Variants in MGAT4C observed in about 807,000 individuals in gnomAD.
The protein encoded by MGAT4C is MGAT4 family member C, also known as alpha-1,3-mannosyl-glycoprotein 4-beta-N-acetylglucosaminyltransferase C.
Under a neutral mutation model 40.1 loss-of-function variants are expected in MGAT4C, and 19 were observed. The observed-to-expected ratio is 0.47, with a 90% CI of 0.33 to 0.70. MGAT4C has a LOEUF of 0.70. Among genes scored for constraint, MGAT4C ranks in the 30% least tolerant of loss-of-function variants. The pLI, the probability that MGAT4C is intolerant of heterozygous loss-of-function variation, is 0.02. For synonymous variants in MGAT4C, 181 were observed against 187.1 expected (o/e 0.97, Z 0.27); for missense variants, 491 against 563.2 (o/e 0.87, Z 1.30).
At chr12:86,783,551 G>A (rs1951881928) in intron 1 of MGAT4C, among the ~76,000 whole-genome samples, 1 of 151,984 alleles carries the variant, frequency 6.6e-6, no homozygotes, top group Non-Finnish European at 1.5e-5. Flanking sequence ...TAGATTATAA[G>A]ATCCATATTT....
At chr12:86,657,098 T>G (rs1963869122) in intron 2 of MGAT4C, among the ~76,000 whole-genome samples, 1 of 152,014 alleles carries the variant, frequency 6.6e-6, no homozygotes, top group Non-Finnish European at 1.5e-5. Flanking sequence ...AAAGTTAGAA[T>G]TCACTTGCCA....
intron 2 of MGAT4C, among the ~76,000 whole-genome samples, chr12:86,524,658 T>C (rs1255071222): frequency 6.6e-6 from 1 of 152,202 alleles, no homozygotes; most frequent in Non-Finnish European, 1.5e-5. Context: ...TCCTGAAGTA[T>C]GCTATCCAAA....
chr12:86,479,997 C>T (rs1251518285), intron 2 of MGAT4C, among the ~76,000 whole-genome samples: 2 of 151,810 alleles, frequency 1.3e-5, no homozygotes, highest in Non-Finnish European at 2.9e-5. Context: ...GTCAATTTTA[C>T]ATGAATACAT....
chr12:86,219,800 T>C (rs1453653329), intron 1 of MGAT4C, among the ~76,000 whole-genome samples: 1 of 152,216 alleles, frequency 6.6e-6, no homozygotes, highest in Non-Finnish European at 1.5e-5. Context: ...TGACCACTTA[T>C]GAAATAGTTA....
intron 1 of MGAT4C, among the ~76,000 whole-genome samples, chr12:86,735,858 C>G (rs1290605967): frequency 6.6e-6 from 1 of 151,900 alleles, no homozygotes; most frequent in African/African-American, 2.4e-5. Context: ...GAATGTCTGT[C>G]ACACTGACTT....
chr12:86,334,510 A>T (rs748805242), intron 3 of MGAT4C, among the ~76,000 whole-genome samples: 18 of 152,132 alleles, frequency 1.2e-4, no homozygotes, highest in Admixed American at 3.9e-4. Flanking sequence ...ATTTAGCTAA[A>T]TTATCTGTTG....
intron 2 of MGAT4C, among the ~76,000 whole-genome samples, chr12:86,612,499 C>T (rs1395314670): frequency 6.6e-6 from 1 of 151,882 alleles, no homozygotes; most frequent in Non-Finnish European, 1.5e-5. Flanking sequence ...CCTGTAATCC[C>T]AGCACTTTGG....
chr12:86,565,830 C>T (rs965885167), intron 2 of MGAT4C, among the ~76,000 whole-genome samples: 2 of 152,272 alleles, frequency 1.3e-5, no homozygotes, highest in Middle Eastern at 3.4e-3. Flanking sequence ...AGCCTCTTTC[C>T]CAGCCACCCT....
chr12:86,109,366 G>T (rs1876805816), intron 1 of MGAT4C, among the ~76,000 whole-genome samples: 1 of 152,066 alleles, frequency 6.6e-6, no homozygotes, highest in Non-Finnish European at 1.5e-5. Flanking sequence ...ATACAAAGAA[G>T]TCATATTCTT....
Position 85,962,718 on chromosome 12 carries a change from GA to G in MGAT4C, c.*16570del, listed in dbSNP as rs1267508397. 3 of 150,196 alleles carry G rather than the reference GA, an allele frequency of 2.0e-5. No homozygotes were observed. The highest frequency in any genetic ancestry group is 4.5e-5 in the Non-Finnish European group (3 of 67,250). The allele number at this position is 150,196 out of a possible 1,614,324, so 9.3% of individuals were successfully genotyped here. ...GTGCTATCAACTACATTTTACATAG[GA>G]TGAAAAAAATCATTATTTTTATTAA... On this transcript the variant is annotated 3_prime_UTR_variant, in exon 5 of 5. Transcript: ENST00000611864.
intron 1 of MGAT4C, among the ~76,000 whole-genome samples, chr12:86,077,025 A>G (rs1044634206): frequency 2.0e-5 from 3 of 152,170 alleles, no homozygotes; most frequent in African/African-American, 7.2e-5. Flanking sequence ...CTTACATTCT[A>G]GCCCTGCTGC....
In MGAT4C at chr12:86,706,551, C is replaced by A. The variant is rs774472028; in HGVS notation, c.-229+20658G>T. Among the ~76,000 whole-genome samples the A allele has an allele frequency of 2.6e-5, 4 of 152,118 alleles. No homozygotes were observed. The East Asian group carries it at 7.7e-4, about 29-fold the overall frequency. ...AGGTTTACAGGCATGAGCCACCACA[C>A]CCAGCCTTATACTAGTTTTTATAAT... On this transcript the variant is annotated intron_variant, in intron 2 of 7. Transcript: ENST00000548651.
At chr12:85,985,752 C>T (rs1565816066) in intron 3 of MGAT4C, among the ~76,000 whole-genome samples, 1 of 152,024 alleles carries the variant, frequency 6.6e-6, no homozygotes, top group Non-Finnish European at 1.5e-5. Context: ...TACCTGCATA[C>T]CTATAAAACA....
chr12:86,050,447 T>G (rs1298949409), intron 1 of MGAT4C, among the ~76,000 whole-genome samples: 1 of 152,094 alleles, frequency 6.6e-6, no homozygotes, highest in East Asian at 1.9e-4. Flanking sequence ...ATTCTTATTT[T>G]GTATTATCTT....
intron 1 of MGAT4C, among the ~76,000 whole-genome samples, chr12:86,098,418 G>A (rs1206369267): frequency 1.3e-5 from 2 of 151,588 alleles, no homozygotes; most frequent in Non-Finnish European, 3.0e-5. Context: ...ACATTAAGTT[G>A]GAACCATTGA....
intron 1 of MGAT4C, among the ~76,000 whole-genome samples, chr12:86,180,173 G>A (rs1427152621): frequency 6.6e-6 from 1 of 152,236 alleles, no homozygotes; most frequent in African/African-American, 2.4e-5. Flanking sequence ...AGCCTTGGCA[G>A]CTTTCACATG....
chr12:86,024,669 A>T (rs1315076316), intron 2 of MGAT4C, among the ~76,000 whole-genome samples: 1 of 151,794 alleles, frequency 6.6e-6, no homozygotes. Context: ...AAGAAGAAAG[A>T]TGTCATTGGC....
chr12:86,270,024 C>T lies in MGAT4C; in HGVS notation c.-57+64041G>A, dbSNP rs796666176. On this transcript the variant is annotated intron_variant, in intron 4 of 7. Coordinates refer to the MGAT4C transcript ENST00000548651. ...TCCTTCTCTAGCACTTTTCACCTCC[C>T]GTAGTGGATCTCTGTTTTTGTTTTG... Among the ~76,000 whole-genome samples the T allele has an allele frequency of 4.9e-4, 74 of 152,054 alleles. 1 individual carries two copies. The highest frequency in any genetic ancestry group is 1.4e-3 in the African/African-American group (58 of 41,496).
At chr12:86,432,913 G>T (rs750587916) in intron 3 of MGAT4C, among the ~76,000 whole-genome samples, 1 of 151,840 alleles carries the variant, frequency 6.6e-6, no homozygotes, top group African/African-American at 2.4e-5. Context: ...TAAAATTGAA[G>T]TTATAAGAAA....
Sources: allele counts gnomAD v4.1 joint callset (sites outside exome capture counted in the v4.1 genomes callset), GRCh38; gene constraint gnomAD v4.1.1; transcripts MANE v1.5; gene names NCBI Gene and HGNC (gene_info 2026-07-23, HGNC 2026-07-21).